The following LRTM1 variants were observed in gnomAD, a reference collection of about 807,000 sequenced individuals.
LRTM1 encodes leucine-rich repeat and transmembrane domain-containing protein 1.
LRTM1 carries 38 observed loss-of-function variants against 32.4 expected under a neutral mutation model. The ratio of observed to expected loss-of-function variants is 1.17; its 90% CI spans 0.91 to 1.54. The LOEUF (loss-of-function observed/expected upper bound fraction) is 1.54. Among genes scored for constraint, LRTM1 ranks in the 40% most tolerant of loss-of-function variants. The probability of loss-of-function intolerance (pLI) is 0.00; values close to 1 mark genes in which losing one functional copy is unlikely to be tolerated. For synonymous variants in LRTM1, 186 were observed against 169.9 expected (o/e 1.09, Z -0.74); for missense variants, 466 against 415.4 (o/e 1.12, Z -1.06).
Position 54,918,457 on chromosome 3 carries a change from T to G in LRTM1, c.*2A>C, listed in dbSNP as rs1358751072. The G allele has an allele frequency of 6.2e-7, 1 of 1,600,194 alleles. No individual in the cohort carries two copies. Among genetic ancestry groups the G allele is most frequent in the African/African-American group, 1.4e-5 (1 of 73,432 alleles). ...GACCAATCCTATTTGAGACAAAAGC[T>G]CTCAGGCTGGTGAGCTGTCAAATCG... On this transcript the variant is annotated 3_prime_UTR_variant, in exon 3 of 3. Transcript: ENST00000273286.
At chr3:54,955,550 A>G (rs1701866531) in intron 1 of LRTM1, among the ~76,000 whole-genome samples, 1 of 152,138 alleles carries the variant, frequency 6.6e-6, no homozygotes, top group African/African-American at 2.4e-5. Context: ...AAACAATACT[A>G]AGCTAGAGGA....
chr3:54,925,431 A>G (rs1467300167), intron 1 of LRTM1, among the ~76,000 whole-genome samples: 3 of 152,154 alleles, frequency 2.0e-5, no homozygotes, highest in Non-Finnish European at 2.9e-5. Flanking sequence ...TGTGCCACCT[A>G]TCGTCTGAAG....
rs1211400412 is a variant in LRTM1 at position 54,924,883 on chromosome 3, C to G, written c.340G>C (p.Glu114Gln). ...NLTQNSLLSL[E>Q]SRLFHSLPQL... ...GGGAGGGAATGGAAAAGTCTGCTTT[C>G]CAGGGAAAGGAGTGAATTCTGGGTT... The change falls in exon 2 of 3, where the codon GAA becomes CAA. Residue 114 changes from glutamate to glutamine, a missense_variant. Transcript: ENST00000273286. 1.9e-6 allele frequency: 3 copies of G among 1,613,728 alleles called. No individual in the cohort carries two copies. In the Admixed American group the frequency reaches 5.0e-5, roughly 27 times the overall value.
chr3:54,933,051 C>CCCTCCCTCCCTTCCTTCCTT (rs1366811478), upstream of LRTM1, among the ~76,000 whole-genome samples: 6 of 139,540 alleles, frequency 4.3e-5, no homozygotes, highest in African/African-American at 1.6e-4. Flanking sequence ...ATCCATCCCT[C>CCCTCCCTCCCTTCCTTCCTT]CCTTCCTTCC....
At chr3:54,947,861 G>C (rs961426294) in intron 1 of LRTM1, among the ~76,000 whole-genome samples, 8 of 152,172 alleles carry the variant, frequency 5.3e-5, no homozygotes, top group African/African-American at 1.9e-4. Flanking sequence ...GCACTCACTA[G>C]GGAGCTGCTT....
chr3:54,941,243 G>A (rs1322764395), intron 1 of LRTM1, among the ~76,000 whole-genome samples: 1 of 152,064 alleles, frequency 6.6e-6, no homozygotes, highest in African/African-American at 2.4e-5. Flanking sequence ...AAAAAACAGG[G>A]GCATATAGTG....
chr3:54,921,273 C>T (rs1455683614), intron 2 of LRTM1, among the ~76,000 whole-genome samples: 2 of 152,122 alleles, frequency 1.3e-5, no homozygotes, highest in African/African-American at 2.4e-5. Context: ...CCCTTGACCA[C>T]GTTGTGCCTC....
intron 1 of LRTM1, among the ~76,000 whole-genome samples, chr3:54,962,571 C>G (rs1702055866): frequency 1.3e-5 from 2 of 152,180 alleles, no homozygotes; most frequent in Non-Finnish European, 2.9e-5. Context: ...AAATTCTGTT[C>G]AGAAGCCAGA....
intron 1 of LRTM1, among the ~76,000 whole-genome samples, chr3:54,951,226 A>G (rs1410627190): frequency 6.6e-6 from 1 of 152,234 alleles, no homozygotes; most frequent in East Asian, 1.9e-4. Context: ...ACTTTGGTGC[A>G]AAATCTGTCA....
intron 1 of LRTM1, among the ~76,000 whole-genome samples, chr3:54,960,624 A>G (rs1285732605): frequency 6.6e-6 from 1 of 152,176 alleles, no homozygotes; most frequent in Admixed American, 6.5e-5. Context: ...CTTGCCTATA[A>G]TCTTCTAAGA....
intron 1 of LRTM1, among the ~76,000 whole-genome samples, chr3:54,966,767 T>C (rs550462986): frequency 2.3e-4 from 35 of 152,272 alleles, no homozygotes; most frequent in African/African-American, 8.4e-4. Flanking sequence ...TGCAGTGAGC[T>C]GAGATCACAC....
At chr3:54,940,986 T>G (rs1701451826) in intron 1 of LRTM1, among the ~76,000 whole-genome samples, 1 of 152,180 alleles carries the variant, frequency 6.6e-6, no homozygotes, top group Non-Finnish European at 1.5e-5. Context: ...TTTCATAGAT[T>G]TAAAACCAGT....
upstream of LRTM1, among the ~76,000 whole-genome samples, chr3:54,932,380 G>T (rs1393090957): frequency 1.3e-5 from 2 of 152,142 alleles, no homozygotes; most frequent in Non-Finnish European, 2.9e-5. Context: ...AATGGAATAA[G>T]TGGGAAAGGT....
intron 2 of LRTM1, among the ~76,000 whole-genome samples, chr3:54,924,393 A>G (rs538189704): frequency 4.5e-4 from 68 of 152,338 alleles, no homozygotes; most frequent in African/African-American, 1.6e-3. Flanking sequence ...AACAAGTGAA[A>G]GTTATCTCCA....
At chr3:54,932,987 C>T (rs1262395213), upstream of LRTM1, among the ~76,000 whole-genome samples, 1 of 152,166 alleles carries the variant, frequency 6.6e-6, no homozygotes, top group Non-Finnish European at 1.5e-5. Context: ...AAACGGCACC[C>T]AGGTACACAG....
chr3:54,925,063 T>C lies in LRTM1; in HGVS notation c.160A>G (p.Thr54Ala). The C allele has an allele frequency of 6.2e-7, 1 of 1,614,112 alleles. No individual in the cohort carries two copies. Residue 54 changes from threonine to alanine, a missense_variant, in exon 2 of 3, where the codon ACG (threonine) becomes GCG (alanine). Thr to Ala is a moderately conservative substitution (Grantham distance 58, BLOSUM62 0). Coordinates refer to ENST00000273286, the MANE Select transcript of LRTM1 (RefSeq NM_020678.4). Reference sequence around the variant, plus strand: ...ATCTGATTATCTTGTAAATGCAGCGTTCGAGTCTGAGGAGGTAAATGGGAA... The same window carrying C: ...ATCTGATTATCTTGTAAATGCAGCGCTCGAGTCTGAGGAGGTAAATGGGAA... ...IPSHLPPQTR[T>A]LHLQDNQIHH...
At chr3:54,933,456 G>A (rs1701256314) in intron 1 of LRTM1, among the ~76,000 whole-genome samples, 1 of 152,012 alleles carries the variant, frequency 6.6e-6, no homozygotes, top group Admixed American at 6.6e-5. Flanking sequence ...TCCATCAGTT[G>A]GAAAAGGTAC....
chr3:54,946,424 C>A (rs577065195), intron 1 of LRTM1, among the ~76,000 whole-genome samples: 1 of 152,218 alleles, frequency 6.6e-6, no homozygotes, highest in South Asian at 2.1e-4. Context: ...GTCCCCAGCA[C>A]AGAGATCCTC....
chr3:54,930,884 G>C (rs1308619776), upstream of LRTM1, among the ~76,000 whole-genome samples: 1 of 152,166 alleles, frequency 6.6e-6, no homozygotes, highest in Admixed American at 6.5e-5. Flanking sequence ...ATCAGTTGAG[G>C]ACAGGAGTTC....
Sources: allele counts gnomAD v4.1 joint callset (sites outside exome capture counted in the v4.1 genomes callset), GRCh38; gene constraint gnomAD v4.1.1; transcripts MANE v1.5; gene names NCBI Gene and HGNC (gene_info 2026-07-23, HGNC 2026-07-21).